Variants in RIN2 observed in about 807,000 individuals in gnomAD.
RIN2 encodes Ras and Rab interactor 2.
A neutral mutation model predicts 78.0 loss-of-function variants in RIN2; 36 were observed. The ratio of observed to expected loss-of-function variants is 0.46; its 90% CI spans 0.35 to 0.61. RIN2 has a LOEUF of 0.61. Ranked by LOEUF, RIN2 falls within the 20% of genes least tolerant of loss-of-function variation. The pLI is 0.00. For missense variants in RIN2, 1,087 were observed against 1,159.7 expected (o/e 0.94, Z 0.91); for synonymous variants, 466 against 466.8 (o/e 1.00, Z 0.02).
intron 2 of RIN2, among the ~76,000 whole-genome samples, chr20:19,825,666 T>C (rs1037275209): frequency 6.6e-6 from 1 of 152,236 alleles, no homozygotes; most frequent in African/African-American, 2.4e-5. Flanking sequence ...CCAATACGGA[T>C]ACTGCCTTGG....
At chr20:19,811,572 G>A (rs73293317) in intron 2 of RIN2, among the ~76,000 whole-genome samples, 2,992 of 152,254 alleles carry the variant, frequency 0.02, 93 homozygotes, top group African/African-American at 0.066. Context: ...ATCACAGGGT[G>A]CTTAAGAGAT....
chr20:19,868,415 G>A (rs2037575666), intron 2 of RIN2, among the ~76,000 whole-genome samples: 1 of 152,196 alleles, frequency 6.6e-6, no homozygotes, highest in South Asian at 2.1e-4. Context: ...GTATTTTATT[G>A]GACAACGTTT....
intron 2 of RIN2, chr20:19,823,878 G>A (rs1017331443): frequency 3.1e-6 from 5 of 1,603,580 alleles, no homozygotes; most frequent in South Asian, 1.1e-5. Flanking sequence ...AAGTGGCACC[G>A]ACTTCACCTC....
intron 3 of RIN2, among the ~76,000 whole-genome samples, chr20:19,915,536 C>G (rs1412981599): frequency 6.6e-6 from 1 of 152,176 alleles, no homozygotes; most frequent in Admixed American, 6.5e-5. Flanking sequence ...CACTCACAGT[C>G]TCTGCTCCAT....
At chr20:19,977,728 A>G (rs990870606) in intron 9 of RIN2, among the ~76,000 whole-genome samples, 1 of 152,082 alleles carries the variant, frequency 6.6e-6, no homozygotes, top group Non-Finnish European at 1.5e-5. Flanking sequence ...TTTTCTCATC[A>G]GTAGTTCAGG....
intron 1 of RIN2, among the ~76,000 whole-genome samples, chr20:19,773,641 A>ACC (rs138062107): frequency 0.01 from 1,586 of 151,988 alleles, 23 homozygotes; most frequent in African/African-American, 0.036. Context: ...CTATTAGACC[A>ACC]CCCTGACTGG....
At chr20:19,952,039 C>G (rs956248170) in intron 4 of RIN2, among the ~76,000 whole-genome samples, 3 of 152,146 alleles carry the variant, frequency 2.0e-5, no homozygotes, top group African/African-American at 7.2e-5. Flanking sequence ...TCAGAAGCAG[C>G]CTGCCAAGGA....
intron 1 of RIN2, among the ~76,000 whole-genome samples, chr20:19,795,934 A>G (rs1301816756): frequency 1.3e-5 from 2 of 152,262 alleles, no homozygotes; most frequent in East Asian, 3.9e-4. Flanking sequence ...AAAATATGAA[A>G]TAAAGGGCTG....
chr20:19,763,596 TAATA>T (rs1459345188), intron 1 of RIN2, among the ~76,000 whole-genome samples: 2 of 152,174 alleles, frequency 1.3e-5, no homozygotes, highest in Non-Finnish European at 2.9e-5. Flanking sequence ...TTAAACTCAC[TAATA>T]GTTAGGTGAA....
At position 20,000,942 on chromosome 20, in the gene RIN2, A is replaced by G; in HGVS notation, c.*6A>G. 1 of 1,602,368 alleles carries G rather than the reference A, an allele frequency of 6.2e-7. No individual in the cohort carries two copies. The highest frequency in any genetic ancestry group is 8.5e-7 in the Non-Finnish European group (1 of 1,174,490). On this transcript the variant is annotated 3_prime_UTR_variant, in exon 13 of 13. Coordinates refer to ENST00000255006, the MANE Select transcript of RIN2 (RefSeq NM_018993.4). ...AAGACCTCACCACCTCCTAGAAGACAGGCGGGACTTCCCAGTGGTGCATCC... is the reference window on the plus strand; with the variant it reads ...AAGACCTCACCACCTCCTAGAAGACGGGCGGGACTTCCCAGTGGTGCATCC...
chr20:19,916,922 T>C lies in RIN2; in HGVS notation c.58-18177T>C, dbSNP rs189172443. ...ACAGATCCTGGCTCCATCTGTGCAT[T>C]TGAAATTCATAGGCATCTGGAGACA... On this transcript the variant is annotated intron_variant, in intron 3 of 12. Coordinates refer to ENST00000255006, the MANE Select transcript of RIN2 (RefSeq NM_018993.4). 1.1e-3 allele frequency among the ~76,000 whole-genome samples: 163 copies of C among 152,218 alleles called. 2 individuals carry two copies. Among genetic ancestry groups the C allele is most frequent in the African/African-American group, 3.6e-3 (150 of 41,530 alleles).
intron 11 of RIN2, 64 bp from the exon 12 acceptor site, chr20:19,996,614 TC>T: frequency 6.6e-7 from 1 of 1,515,456 alleles, no homozygotes; most frequent in Non-Finnish European, 9.1e-7. Context: ...AACGCTGGCA[TC>T]CCCTGTTATC....
At chr20:19,820,372 C>T (rs2035891003) in intron 2 of RIN2, among the ~76,000 whole-genome samples, 1 of 152,158 alleles carries the variant, frequency 6.6e-6, no homozygotes, top group South Asian at 2.1e-4. Context: ...AACATTGTAA[C>T]GTATCACCAA....
At chr20:19,823,923 C>T (rs1476201662) in intron 2 of RIN2, 2 of 1,572,404 alleles carry the variant, frequency 1.3e-6, no homozygotes, top group East Asian at 2.3e-5. Context: ...TGATCTCGTT[C>T]GGGTCGAACT....
At chr20:19,867,134 T>C (rs2037534722) in intron 2 of RIN2, among the ~76,000 whole-genome samples, 1 of 152,130 alleles carries the variant, frequency 6.6e-6, no homozygotes, top group Admixed American at 6.5e-5. Context: ...ATTTTAACAT[T>C]TTACCATATT....
intron 1 of RIN2, among the ~76,000 whole-genome samples, chr20:19,786,137 C>T (rs748451136): frequency 6.6e-6 from 1 of 152,184 alleles, no homozygotes; most frequent in Non-Finnish European, 1.5e-5. Context: ...TCCTAGGCAC[C>T]TCCTTATCAA....
chr20:19,802,147 A>G (rs116564012), intron 2 of RIN2, among the ~76,000 whole-genome samples: 4,076 of 152,280 alleles, frequency 0.027, 175 homozygotes, highest in African/African-American at 0.094. Flanking sequence ...AGCCCTATAC[A>G]GGTGGGATTG....
intron 2 of RIN2, among the ~76,000 whole-genome samples, chr20:19,800,571 A>C (rs555421696): frequency 7.2e-5 from 11 of 152,302 alleles, no homozygotes; most frequent in African/African-American, 2.2e-4. Flanking sequence ...TGTTTCTGGG[A>C]AGCCAGGCCC....
At chr20:19,908,786 T>C (rs1396562522) in intron 3 of RIN2, among the ~76,000 whole-genome samples, 1 of 152,202 alleles carries the variant, frequency 6.6e-6, no homozygotes, top group Non-Finnish European at 1.5e-5. Flanking sequence ...ACTTGTGGAA[T>C]ATCCACTATT....
Sources: gnomAD v4.1 joint callset for allele counts (sites outside exome capture counted in the v4.1 genomes callset) on GRCh38, gnomAD v4.1.1 for gene constraint, MANE v1.5 for transcripts, NCBI Gene and HGNC (gene_info 2026-07-23, HGNC 2026-07-21) for gene names.